The following ATP2C2 variants were observed in gnomAD, a reference collection of about 807,000 sequenced individuals.
The protein encoded by ATP2C2 is calcium-transporting ATPase type 2C member 2.
ATP2C2 carries 171 observed loss-of-function variants against 110.8 expected under a neutral mutation model. The observed-to-expected ratio is 1.54, with a 90% CI of 1.36 to 1.75. The LOEUF (loss-of-function observed/expected upper bound fraction) is 1.75, where lower values mean the gene tolerates loss of function less well. Ranked by LOEUF, ATP2C2 falls within the 40% of genes most tolerant of loss-of-function variation. The probability of loss-of-function intolerance (pLI) is 0.00; values close to 1 mark genes in which losing one functional copy is unlikely to be tolerated. For synonymous variants in ATP2C2, 804 were observed against 508.4 expected, an observed-to-expected ratio of 1.58 and a Z score of -7.82; for missense variants, 1,963 against 1,235.0, an observed-to-expected ratio of 1.59 and a Z score of -8.84.
At chr16:84,431,219 C>T (rs1597823002) in intron 11 of ATP2C2, among the ~76,000 whole-genome samples, 1 of 152,162 alleles carries the variant, frequency 6.6e-6, no homozygotes, top group South Asian at 2.1e-4. Flanking sequence ...TAGAAACCAG[C>T]TGGGCATGGT....
intron 23 of ATP2C2, chr16:84,459,716 C>T (rs1597883940): frequency 1.3e-6 from 1 of 783,138 alleles, no homozygotes; most frequent in East Asian, 2.7e-5. Flanking sequence ...TGATTGCACT[C>T]CCACTCAATC....
intron 1 of ATP2C2, among the ~76,000 whole-genome samples, chr16:84,379,902 T>A (rs894817195): frequency 6.6e-6 from 1 of 152,150 alleles, no homozygotes; most frequent in Non-Finnish European, 1.5e-5. Context: ...AAGGTAGGTA[T>A]GGCCTGGGTG....
intron 17 of ATP2C2, among the ~76,000 whole-genome samples, chr16:84,451,334 T>C (rs1383841064): frequency 6.6e-6 from 1 of 152,178 alleles, no homozygotes; most frequent in Admixed American, 6.5e-5. Context: ...CAGTTCAAGA[T>C]GAGATTTGGG....
At chr16:84,378,845 G>T (rs545801256) in intron 1 of ATP2C2, among the ~76,000 whole-genome samples, 1 of 152,234 alleles carries the variant, frequency 6.6e-6, no homozygotes, top group African/African-American at 2.4e-5. Context: ...GTGGAGCCGG[G>T]CCTGGTGGGC....
intron 24 of ATP2C2, chr16:84,461,213 G>A: frequency 3.9e-6 from 1 of 257,786 alleles, no homozygotes; most frequent in Non-Finnish European, 7.4e-6. Flanking sequence ...GCAGGTTCAG[G>A]GAGCTCTATG....
intron 2 of ATP2C2, among the ~76,000 whole-genome samples, chr16:84,399,866 T>A (rs1905214191): frequency 6.6e-6 from 1 of 152,198 alleles, no homozygotes; most frequent in Non-Finnish European, 1.5e-5. Context: ...TTATTTATTC[T>A]TTCTGACTAT....
At chr16:84,405,633 T>C (rs183783551) in intron 3 of ATP2C2, among the ~76,000 whole-genome samples, 2 of 152,260 alleles carry the variant, frequency 1.3e-5, no homozygotes, top group Non-Finnish European at 2.9e-5. Flanking sequence ...TAAATTTCAA[T>C]TTCAGGCTGG....
intron 13 of ATP2C2, 61 bp from the exon 14 acceptor site, chr16:84,440,796 C>A (rs1465182713): frequency 1.5e-6 from 2 of 1,322,496 alleles, no homozygotes; most frequent in African/African-American, 1.4e-5. Flanking sequence ...AGATTGTGGG[C>A]CAACTGGGGG....
At position 84,370,978 on chromosome 16, in the gene ATP2C2, T is replaced by C. The variant is rs565670013; in HGVS notation, c.99+2264T>C. ...GCCACGTTTGTTTGCTCAGTGAGCA[T>C]TTCCTGACAGCCAGTTTTGCTAGGC... On this transcript the variant is annotated intron_variant, in intron 1 of 26. Coordinates refer to ENST00000262429, the MANE Select transcript of ATP2C2 (RefSeq NM_014861.4). Among the ~76,000 whole-genome samples, 9 of 152,332 alleles carry C rather than the reference T, an allele frequency of 5.9e-5. No individual in the cohort carries two copies. The East Asian group carries it at 1.5e-3, about 26-fold the overall frequency.
intron 2 of ATP2C2, among the ~76,000 whole-genome samples, chr16:84,399,038 G>T (rs55823133): frequency 2.0e-5 from 3 of 152,204 alleles, no homozygotes; most frequent in East Asian, 3.8e-4. Flanking sequence ...TTTATAATCC[G>T]TGGAGTTGCC....
intron 23 of ATP2C2, chr16:84,460,339 C>A (rs772094153): frequency 7.9e-6 from 3 of 378,030 alleles, no homozygotes; most frequent in Non-Finnish European, 1.5e-5. Context: ...TTTCTCCAGG[C>A]GCAACGTTGG....
intron 2 of ATP2C2, 30 bp downstream of exon 2, chr16:84,398,639 T>G (rs780269351): frequency 6.5e-7 from 1 of 1,544,778 alleles, no homozygotes. Flanking sequence ...CTGGAGCTAA[T>G]TGTGATAAGG....
chr16:84,374,965 C>G (rs533845541), intron 1 of ATP2C2, among the ~76,000 whole-genome samples: 2 of 152,034 alleles, frequency 1.3e-5, no homozygotes, highest in Non-Finnish European at 2.9e-5. Context: ...TGAACCTGTC[C>G]AAGTCAGATG....
intron 2 of ATP2C2, among the ~76,000 whole-genome samples, chr16:84,400,655 A>C (rs1040261029): frequency 3.5e-4 from 54 of 152,268 alleles, no homozygotes; most frequent in Middle Eastern, 3.4e-3. Context: ...GAACCCTCCA[A>C]ACTGTTCACC....
intron 7 of ATP2C2, among the ~76,000 whole-genome samples, chr16:84,421,376 T>C (rs556794848): frequency 2.0e-5 from 3 of 152,334 alleles, no homozygotes; most frequent in East Asian, 3.9e-4. Flanking sequence ...TGAGATGCTA[T>C]GGCAGTGCAC....
chr16:84,403,185 C>T (rs1032137199), intron 2 of ATP2C2, among the ~76,000 whole-genome samples: 2 of 151,746 alleles, frequency 1.3e-5, no homozygotes, highest in African/African-American at 4.8e-5. Context: ...TTTTCTTAGC[C>T]TGGCTAAAGG....
chr16:84,451,178 G>T (rs531877334), intron 17 of ATP2C2, among the ~76,000 whole-genome samples: 55 of 152,106 alleles, frequency 3.6e-4, no homozygotes, highest in Non-Finnish European at 6.3e-4. Flanking sequence ...GAGAATGAGA[G>T]CCAAGCCTAA....
intron 18 of ATP2C2, 125 bp from the exon 19 acceptor site, chr16:84,453,013 G>A: frequency 3.2e-6 from 3 of 931,652 alleles, no homozygotes; most frequent in Non-Finnish European, 3.3e-6. Context: ...CAGCATGGTA[G>A]GTCCTCAGTA....
intron 1 of ATP2C2, among the ~76,000 whole-genome samples, chr16:84,393,363 C>T (rs1904774834): frequency 6.6e-6 from 1 of 152,054 alleles, no homozygotes; most frequent in South Asian, 2.1e-4. Flanking sequence ...TGGCAGCGTC[C>T]ACGAGCTCAG....
Sources: allele counts gnomAD v4.1 joint callset (sites outside exome capture counted in the v4.1 genomes callset), GRCh38; gene constraint gnomAD v4.1.1; transcripts MANE v1.5; gene names NCBI Gene and HGNC (gene_info 2026-07-23, HGNC 2026-07-21).